Variants in CNTNAP2 observed in about 807,000 individuals in gnomAD.
CNTNAP2 encodes contactin associated protein 2, also known as contactin-associated protein-like 2.
In CNTNAP2, 98 loss-of-function variants were observed where a neutral mutation model predicts 155.2. The ratio of observed to expected loss-of-function variants is 0.63; its 90% confidence interval spans 0.54 to 0.75. The LOEUF is 0.75. CNTNAP2 is among the 30% of genes least tolerant of loss of function. CNTNAP2 has a pLI of 0.00. For synonymous variants in CNTNAP2, 651 were observed against 631.2 expected, an observed-to-expected ratio of 1.03 and a Z score of -0.47; for missense variants, 1,727 against 1,688.1, an observed-to-expected ratio of 1.02 and a Z score of -0.40.
At chr7:148,389,143 GC>G (rs1799287733) in intron 22 of CNTNAP2, among the ~76,000 whole-genome samples, 1 of 152,168 alleles carries the variant, frequency 6.6e-6, no homozygotes, top group Non-Finnish European at 1.5e-5. Flanking sequence ...TTCCTATTCA[GC>G]CATCTTGGCT....
At chr7:147,669,536 C>A (rs549839362) in intron 13 of CNTNAP2, among the ~76,000 whole-genome samples, 79 of 152,300 alleles carry the variant, frequency 5.2e-4, no homozygotes, top group African/African-American at 1.6e-3. Flanking sequence ...CACCATCCTA[C>A]ATTTTTACCC....
At chr7:146,415,068 T>G (rs1039072767) in intron 1 of CNTNAP2, among the ~76,000 whole-genome samples, 2 of 152,152 alleles carry the variant, frequency 1.3e-5, no homozygotes, top group Admixed American at 6.5e-5. Context: ...AAGTTTTGTG[T>G]GCCTAGTGAA....
chr7:146,396,708 C>T (rs1170751561), intron 1 of CNTNAP2, among the ~76,000 whole-genome samples: 2 of 149,962 alleles, frequency 1.3e-5, no homozygotes, highest in African/African-American at 4.9e-5. Flanking sequence ...TATTTATATA[C>T]ATATATATAT....
At chr7:146,214,867 A>T (rs1799089712) in intron 1 of CNTNAP2, among the ~76,000 whole-genome samples, 1 of 152,208 alleles carries the variant, frequency 6.6e-6, no homozygotes, top group Admixed American at 6.5e-5. Flanking sequence ...AATGGATTTT[A>T]ATGATAATAT....
chr7:148,248,267 C>T (rs1197508828), intron 20 of CNTNAP2, among the ~76,000 whole-genome samples: 3 of 151,786 alleles, frequency 2.0e-5, no homozygotes, highest in Non-Finnish European at 4.4e-5. Flanking sequence ...GGCACAGTCT[C>T]AGTTCACTGC....
chr7:146,456,329 T>A (rs1009829144), intron 1 of CNTNAP2, among the ~76,000 whole-genome samples: 1 of 152,164 alleles, frequency 6.6e-6, no homozygotes, highest in Non-Finnish European at 1.5e-5. Context: ...CACAACAAGA[T>A]TTCCGGGTCA....
At chr7:148,279,452 T>C (rs1796934134) in intron 21 of CNTNAP2, among the ~76,000 whole-genome samples, 1 of 152,198 alleles carries the variant, frequency 6.6e-6, no homozygotes, top group African/African-American at 2.4e-5. Flanking sequence ...TTGGCCTGAA[T>C]AGCTGGCCCA....
chr7:148,087,207 G>A (rs940625975), intron 15 of CNTNAP2, among the ~76,000 whole-genome samples: 2 of 152,042 alleles, frequency 1.3e-5, no homozygotes, highest in African/African-American at 4.8e-5. Flanking sequence ...CAGTTATTAT[G>A]TGGGGCCCCA....
At chr7:148,304,280 AAAATG>A (rs1303155191) in intron 21 of CNTNAP2, among the ~76,000 whole-genome samples, 3 of 63,086 alleles carry the variant, frequency 4.8e-5, no homozygotes, top group Admixed American at 5.1e-4. Context: ...GTCCTGGAAA[AAAATG>A]TCTGCTGCCT....
At chr7:146,543,512 G>T (rs373310960) in intron 1 of CNTNAP2, among the ~76,000 whole-genome samples, 29 of 151,822 alleles carry the variant, frequency 1.9e-4, no homozygotes, top group Non-Finnish European at 3.4e-4. Flanking sequence ...ACACCAGAGC[G>T]GTTGTTAAAG....
At chr7:147,731,659 T>G (rs1796741488) in intron 13 of CNTNAP2, among the ~76,000 whole-genome samples, 1 of 152,140 alleles carries the variant, frequency 6.6e-6, no homozygotes, top group South Asian at 2.1e-4. Context: ...CTTTCAAATC[T>G]TATTATTTAA....
intron 4 of CNTNAP2, among the ~76,000 whole-genome samples, chr7:147,054,994 C>CA (rs1379453283): frequency 1.3e-5 from 2 of 152,020 alleles, no homozygotes; most frequent in Non-Finnish European, 2.9e-5. Flanking sequence ...TTTGGCTGGA[C>CA]AGGAGGAGTT....
intron 1 of CNTNAP2, among the ~76,000 whole-genome samples, chr7:146,724,838 G>A (rs1585060501): frequency 6.6e-6 from 1 of 151,960 alleles, no homozygotes; most frequent in East Asian, 1.9e-4. Flanking sequence ...CAAAGTGGTG[G>A]GATTACAGGC....
At chr7:147,051,110 C>T (rs1357094019) in intron 4 of CNTNAP2, among the ~76,000 whole-genome samples, 2 of 151,228 alleles carry the variant, frequency 1.3e-5, no homozygotes, top group East Asian at 3.9e-4. Context: ...GAAATAAGGC[C>T]ACGCTTTGAG....
intron 1 of CNTNAP2, among the ~76,000 whole-genome samples, chr7:146,211,022 AAAAG>A (rs1480840006): frequency 6.6e-6 from 1 of 152,172 alleles, no homozygotes; most frequent in African/African-American, 2.4e-5. Flanking sequence ...GATTTTGGAG[AAAAG>A]AAAGAAGAAT....
chr7:147,696,575 T>C (rs1796164800), intron 13 of CNTNAP2, among the ~76,000 whole-genome samples: 1 of 152,110 alleles, frequency 6.6e-6, no homozygotes, highest in Non-Finnish European at 1.5e-5. Flanking sequence ...TTTTGTTGTG[T>C]CTTCCCTTAA....
intron 3 of CNTNAP2, among the ~76,000 whole-genome samples, chr7:146,893,065 C>A (rs1388191943): frequency 6.6e-6 from 1 of 152,072 alleles, no homozygotes; most frequent in African/African-American, 2.4e-5. Flanking sequence ...TACATATGGA[C>A]TTTTGTGGTC....
At chr7:146,226,834 T>TA (rs1303071536) in intron 1 of CNTNAP2, among the ~76,000 whole-genome samples, 1 of 152,206 alleles carries the variant, frequency 6.6e-6, no homozygotes, top group Non-Finnish European at 1.5e-5. Flanking sequence ...TTAATTAAGA[T>TA]AAAGTAAAAT....
chr7:147,559,967 G>A (rs1261120736), intron 11 of CNTNAP2, among the ~76,000 whole-genome samples: 1 of 151,128 alleles, frequency 6.6e-6, no homozygotes, highest in African/African-American at 2.4e-5. Flanking sequence ...TCGGGAATTC[G>A]AGACCAGCCT....
Sources: allele counts gnomAD v4.1 joint callset (sites outside exome capture counted in the v4.1 genomes callset), GRCh38; gene constraint gnomAD v4.1.1; transcripts MANE v1.5; gene names NCBI Gene and HGNC (gene_info 2026-07-23, HGNC 2026-07-21).